The following HNRNPA3 variants were observed in gnomAD, a reference collection of about 807,000 sequenced individuals.
HNRNPA3 encodes the protein heterogeneous nuclear ribonucleoprotein A3.
A neutral mutation model predicts 45.8 loss-of-function variants in HNRNPA3; 3 were observed. That is an observed-to-expected ratio of 0.07 (90% confidence interval 0.03 to 0.17). The LOEUF is 0.17. HNRNPA3 is among the 10% of genes least tolerant of loss of function. The pLI, the probability that HNRNPA3 is intolerant of heterozygous loss-of-function variation, is 1.00. For missense variants in HNRNPA3, 183 were observed against 480.3 expected (o/e 0.38, Z 5.79); for synonymous variants, 170 against 155.6 (o/e 1.09, Z -0.69).
rs1212118698 is a variant in HNRNPA3, at chr2:177,216,440, CAT to C, written c.554-58_554-57del. On this transcript the variant is annotated intron_variant, in intron 4 of 10. Coordinates refer to ENST00000392524, the Ensembl canonical transcript of HNRNPA3. ...GGTTACATAATGACAGAGGGTATCTCATATATGTGCTTTTCCAAACATAAAAT... is the reference window on the plus strand; with the variant it reads ...GGTTACATAATGACAGAGGGTATCTCATATGTGCTTTTCCAAACATAAAAT... 3.4e-6 allele frequency: 4 copies of C among 1,189,710 alleles called. No homozygotes were observed. In the African/African-American group the frequency reaches 4.5e-5, roughly 13 times the overall value. 73.7% of individuals were successfully genotyped at this position (1,189,710 alleles called of 1,614,324 possible). A position where few individuals can be genotyped will look rare whatever the true frequency, so the allele number is the denominator to read the frequency against.
rs531997772 is a variant in HNRNPA3 at position 177,216,215 on chromosome 2, ATGAG to A, written c.553+28_553+31del. On this transcript the variant is annotated intron_variant, in intron 4 of 10. Coordinates refer to ENST00000392524, the Ensembl canonical transcript of HNRNPA3. ...TAAGTAGCAATTTATGGTAACTTGA[ATGAG>A]AAAGTAGAACTGGTTTTTCTGTTTT... is the stretch of plus-strand genomic sequence containing the variant. The A allele has an allele frequency of 4.5e-4, 644 of 1,416,246 alleles. 2 individuals are homozygous for A. The African/African-American group carries it at 4.8e-3, about 11-fold the overall frequency. The allele number at this position is 1,416,246 out of a possible 1,614,324, so 87.7% of individuals were successfully genotyped here.
chr2:177,222,674 C>G (rs1247331575), downstream of HNRNPA3: 1 of 152,210 alleles, frequency 6.6e-6, no homozygotes, highest in Non-Finnish European at 1.5e-5. Context: ...CTTGGTGATA[C>G]ACATCTGTAG....
chr2:177,213,570 G>A lies in HNRNPA3; in HGVS notation c.72+699G>A, dbSNP rs151038345. Among the ~76,000 whole-genome samples the A allele has an allele frequency of 3.0e-3, 451 of 152,306 alleles. 10 individuals carry two copies. In the East Asian group the frequency reaches 0.045, roughly 15 times the overall value. ...ACTTTGCTGCTTTAAAATACTTCCT[G>A]ATATATTTTTGCTAAAGTACTTACA... On this transcript the variant is annotated intron_variant, in intron 1 of 10. Coordinates refer to ENST00000392524, the Ensembl canonical transcript of HNRNPA3.
chr2:177,223,230 C>G (rs780796977), downstream of HNRNPA3: 2 of 152,010 alleles, frequency 1.3e-5, no homozygotes, highest in Admixed American at 6.6e-5. Context: ...AAGGTAACAG[C>G]CTTTGATGAA....
chr2:177,215,433 C>A (rs1574239684), intron 1 of HNRNPA3, 106 bp from the exon 2 acceptor site: 1 of 1,170,480 alleles, frequency 8.5e-7, no homozygotes, highest in East Asian at 2.3e-5. Flanking sequence ...TTAACTGTCA[C>A]AGGAATTTGA....
chr2:177,222,908 T>A (rs1689244949), downstream of HNRNPA3: 1 of 152,656 alleles, frequency 6.6e-6, no homozygotes, highest in Non-Finnish European at 1.5e-5. Flanking sequence ...TTTGTTTTGG[T>A]TCATCTGTTA....
At chr2:177,222,513 TAA>T (rs1300375174), downstream of HNRNPA3, 2 of 152,164 alleles carry the variant, frequency 1.3e-5, no homozygotes, top group Non-Finnish European at 2.9e-5. Context: ...AAAGGAACAT[TAA>T]AAGTTACCAG....
chr2:177,213,116 GAAGCCGGCCTGCCGGCT>G (rs1688753721), intron 1 of HNRNPA3, among the ~76,000 whole-genome samples: 1 of 151,548 alleles, frequency 6.6e-6, no homozygotes, highest in South Asian at 2.1e-4. Flanking sequence ...CCTCGGGAGG[GAAGCCGGCCTGCCGGCT>G]GCGCGGCCTC....
chr2:177,215,416 CAA>C lies in HNRNPA3; in HGVS notation c.73-121_73-120del, dbSNP rs1242170070. On this transcript the variant is annotated intron_variant, in intron 1 of 10. Coordinates refer to ENST00000392524, the Ensembl canonical transcript of HNRNPA3. ...GTGTCTGGTCAAAGTTTTAACTGGA[CAA>C]AGTGTTAACTGTCACAGGAATTTGA... 7.7e-6 allele frequency: 8 copies of C among 1,033,178 alleles called. No individual in the cohort carries two copies. The African/African-American group carries it at 1.3e-4, about 17-fold the overall frequency. 64.0% of individuals were successfully genotyped at this position (1,033,178 alleles called of 1,614,324 possible). A position where few individuals can be genotyped will look rare whatever the true frequency, so the allele number is the denominator to read the frequency against.
At chr2:177,218,942 C>A (rs1249509819) in intron 8 of HNRNPA3, 95 bp from the exon 9 acceptor site, 2 of 1,463,658 alleles carry the variant, frequency 1.4e-6, no homozygotes, top group African/African-American at 2.8e-5. Context: ...TATAAGCATG[C>A]TACCATAATT....
chr2:177,223,862 T>G (rs766508808), downstream of HNRNPA3: 60 of 152,178 alleles, frequency 3.9e-4, no homozygotes, highest in African/African-American at 1.1e-3. Context: ...AATGTGTGTG[T>G]TGTTTTGTCA....
chr2:177,221,363 T>G (rs1474041216), downstream of HNRNPA3: 1 of 152,442 alleles, frequency 6.6e-6, no homozygotes, highest in Non-Finnish European at 1.5e-5. Context: ...AAATAAAGTT[T>G]AAAGGAATGG....
intron 10 of HNRNPA3, 26 bp from the exon 11 acceptor site, chr2:177,219,381 AT>A (rs1199286575): frequency 3.3e-6 from 4 of 1,223,646 alleles, no homozygotes; most frequent in African/African-American, 1.5e-5. Flanking sequence ...GAGTGTAATA[AT>A]TTTTTTATCC....
chr2:177,223,437 TTAAC>T (rs1167266665), downstream of HNRNPA3: 1 of 152,226 alleles, frequency 6.6e-6, no homozygotes, highest in Non-Finnish European at 1.5e-5. Flanking sequence ...TGGGGCAGAT[TTAAC>T]TGATTTTGTT....
At chr2:177,214,700 C>T (rs1558968193) in intron 1 of HNRNPA3, among the ~76,000 whole-genome samples, 1 of 152,186 alleles carries the variant, frequency 6.6e-6, no homozygotes, top group African/African-American at 2.4e-5. Context: ...GAGGCTGAGG[C>T]AGGAAAATGG....
At chr2:177,219,933 G>A (rs1689117182) in exon 11 of HNRNPA3, 2 of 152,604 alleles carry the variant, frequency 1.3e-5, no homozygotes, top group Non-Finnish European at 2.9e-5. Context: ...AGAAACACCT[G>A]CTGACTTGCA....
At chr2:177,216,512 A>G (rs774099275) in exon 5 of HNRNPA3, 1 of 1,611,778 alleles carries the variant, frequency 6.2e-7, no homozygotes, top group Non-Finnish European at 8.5e-7. Context: ...GTTCAGAAAT[A>G]CCACACTATT....
At chr2:177,220,428 T>C (rs1689138610), downstream of HNRNPA3, 1 of 154,652 alleles carries the variant, frequency 6.5e-6, no homozygotes, top group Non-Finnish European at 1.5e-5. Context: ...TTTTTTTTCT[T>C]ATTTAAAGCA....
rs754532118 is a variant in HNRNPA3, at chr2:177,217,066, CTG to C, written c.820+128_820+129del. On this transcript the variant is annotated intron_variant, in intron 7 of 10. Transcript: ENST00000392524. ...TAAATGGTTAAGGTGTATTTCCAAA[CTG>C]TACATGGAAGAACAGGAACCCTTTT... 417 of 1,049,740 alleles carry C rather than the reference CTG, an allele frequency of 4.0e-4. 1 individual carries two copies. Among genetic ancestry groups the C allele is most frequent in the Non-Finnish European group, 5.2e-4 (392 of 749,206 alleles). The allele number at this position is 1,049,740 out of a possible 1,614,324, so 65.0% of individuals were successfully genotyped here.
Sources: gnomAD v4.1 joint callset for allele counts (sites outside exome capture counted in the v4.1 genomes callset) on GRCh38, gnomAD v4.1.1 for gene constraint, MANE v1.5 for transcripts, NCBI Gene and HGNC (gene_info 2026-07-23, HGNC 2026-07-21) for gene names.